The following BRWD1 variants were observed in gnomAD, a reference collection of about 807,000 sequenced individuals.
BRWD1 encodes bromodomain and WD repeat-containing protein 1.
In BRWD1, 82 loss-of-function variants were observed where a neutral mutation model predicts 251.2. The ratio of observed to expected loss-of-function variants is 0.33; its 90% CI spans 0.27 to 0.39. BRWD1 has a LOEUF of 0.39. Among genes scored for constraint, BRWD1 ranks in the 10% least tolerant of loss-of-function variants. The probability of loss-of-function intolerance (pLI) is 1.00; values close to 1 mark genes in which losing one functional copy is unlikely to be tolerated. For synonymous variants in BRWD1, 918 were observed against 902.8 expected, an observed-to-expected ratio of 1.02 and a Z score of -0.30; for missense variants, 2,233 against 2,711.6, an observed-to-expected ratio of 0.82 and a Z score of 3.92.
At chr21:39,313,406 A>T in intron 1 of BRWD1, 37 bp downstream of exon 1, 1 of 1,453,228 alleles carries the variant, frequency 6.9e-7, no homozygotes. Context: ...AGCAGCCGGG[A>T]GCGCCAGGGC....
At chr21:39,251,041 A>G in intron 19 of BRWD1, 152 bp from the exon 20 acceptor site, 1 of 570,356 alleles carries the variant, frequency 1.8e-6, no homozygotes, top group Non-Finnish European at 3.0e-6. Flanking sequence ...TTAAAAATTT[A>G]TATGAATATA....
In BRWD1 at chr21:39,224,478, AAAC is replaced by A. The variant is rs1194249664; in HGVS notation, c.3321-12_3321-10del. The A allele has an allele frequency of 1.9e-6, 3 of 1,587,198 alleles. No homozygotes were observed. Among genetic ancestry groups the A allele is most frequent in the African/African-American group, 1.4e-5 (1 of 74,026 alleles). On this transcript the variant is annotated splice_polypyrimidine_tract_variant and intron_variant, in intron 28 of 40. Transcript: ENST00000342449. Reference sequence around the variant, plus strand: ...TTTCAGTATTATCCCACCTGTTAAAAAACAACAAATCTCTGGTTAGCCTTTCAT... The same window carrying A: ...TTTCAGTATTATCCCACCTGTTAAAAAACAAATCTCTGGTTAGCCTTTCAT...
In BRWD1 at chr21:39,301,227, T is replaced by C. The variant is rs190759578; in HGVS notation, c.199-2645A>G. ...CTAGGTGCACATGTGAAAGGCAGCT[T>C]CTGACATGCCCGCTAATAGTGCCCA... On this transcript the variant is annotated intron_variant, in intron 4 of 40. Coordinates refer to ENST00000342449, the MANE Select transcript of BRWD1 (RefSeq NM_033656.4). Among the ~76,000 whole-genome samples, 422 of 151,958 alleles carry C rather than the reference T, an allele frequency of 2.8e-3. 4 individuals are homozygous for C. Among genetic ancestry groups the C allele is most frequent in the Admixed American group, 0.022 (340 of 15,272 alleles).
intron 4 of BRWD1, among the ~76,000 whole-genome samples, chr21:39,309,436 T>A (rs2036395192): frequency 6.6e-6 from 1 of 151,228 alleles, no homozygotes; most frequent in African/African-American, 2.4e-5. Context: ...CCAGCCTGGG[T>A]AATAGAGTGA....
intron 13 of BRWD1, among the ~76,000 whole-genome samples, chr21:39,272,362 T>C (rs1322155361): frequency 2.1e-5 from 3 of 145,706 alleles, no homozygotes; most frequent in African/African-American, 7.6e-5. Context: ...CCGTCTCTAC[T>C]AAAAATACAA....
At chr21:39,269,308 T>A (rs990187691) in intron 15 of BRWD1, among the ~76,000 whole-genome samples, 4 of 151,588 alleles carry the variant, frequency 2.6e-5, no homozygotes, top group African/African-American at 9.7e-5. Context: ...GAAAACCTAA[T>A]GATGTTTGAT....
At chr21:39,217,052 TATATATATATATATATATATATATA>T (rs2032957136) in intron 31 of BRWD1, 37 of 17,874 alleles carry the variant, frequency 2.1e-3, no homozygotes, top group East Asian at 4.8e-3. Context: ...TATATATATT[TATATATATATATATATATATATATA>T]TATATATTTT....
chr21:39,297,802 A>C (rs1383416062), intron 5 of BRWD1: 3 of 860,334 alleles, frequency 3.5e-6, no homozygotes, highest in African/African-American at 3.7e-5. Context: ...AAGAACCAAC[A>C]ATCTTTGCCC....
rs775072012 is a variant in BRWD1 at position 39,218,079 on chromosome 21, CTT to C, written c.3659+71_3659+72del. ...TCAGCCCCCAATTCTACCACTATCT[CTT>C]TCTTTGTTTACCCTAGTCAATATTG... is the stretch of plus-strand genomic sequence containing the variant. On this transcript the variant is annotated intron_variant, in intron 31 of 40. Coordinates refer to ENST00000342449, the MANE Select transcript of BRWD1 (RefSeq NM_033656.4). 2.1e-4 allele frequency: 299 copies of C among 1,436,026 alleles called. 1 individual carries two copies. The highest frequency in any genetic ancestry group is 2.6e-4 in the Non-Finnish European group (281 of 1,074,846). The allele number at this position is 1,436,026 out of a possible 1,614,324, so 89.0% of individuals were successfully genotyped here.
chr21:39,188,608 TC>T lies in BRWD1; in HGVS notation c.*7650del. On this transcript the variant is annotated 3_prime_UTR_variant, in exon 41 of 41. Coordinates refer to ENST00000342449, the MANE Select transcript of BRWD1 (RefSeq NM_033656.4). ...CAGATGAGTACAGGTAAAAACTGCT[TC>T]TGTGGACTGACATGTTCATACAGCT... 1 of 985,416 alleles carries T rather than the reference TC, an allele frequency of 1.0e-6. No homozygotes were observed. The highest frequency in any genetic ancestry group is 1.2e-6 in the Non-Finnish European group (1 of 829,918). The allele number at this position is 985,416 out of a possible 1,614,324, so 61.0% of individuals were successfully genotyped here. A position where few individuals can be genotyped will look rare whatever the true frequency, so the allele number is the denominator to read the frequency against.
rs2032169266 is a variant in BRWD1 at position 39,202,628 on chromosome 21, A to G, written c.4365-83T>C. Reference sequence around the variant, plus strand: ...TCACAGAGAATGACTAAATAGAAGTATATCATATTTCTTAAACTGAGAGTA... The same window carrying G: ...TCACAGAGAATGACTAAATAGAAGTGTATCATATTTCTTAAACTGAGAGTA... On this transcript the variant is annotated intron_variant, in intron 37 of 40. Coordinates refer to ENST00000342449, the MANE Select transcript of BRWD1 (RefSeq NM_033656.4). The G allele has an allele frequency of 5.9e-6, 5 of 850,578 alleles. No homozygotes were observed. The East Asian group carries it at 7.9e-5, about 13-fold the overall frequency. The allele number at this position is 850,578 out of a possible 1,614,324, so 52.7% of individuals were successfully genotyped here.
intron 22 of BRWD1, among the ~76,000 whole-genome samples, chr21:39,237,169 G>A (rs1601350952): frequency 6.6e-6 from 1 of 152,140 alleles, no homozygotes; most frequent in Non-Finnish European, 1.5e-5. Context: ...CTACCCCCAT[G>A]TTGGAGGAAG....
intron 8 of BRWD1, among the ~76,000 whole-genome samples, chr21:39,283,814 C>T (rs796834221): frequency 1.3e-5 from 2 of 152,144 alleles, no homozygotes; most frequent in Admixed American, 6.5e-5. Flanking sequence ...CAAGGCCAGT[C>T]GCCAATGACT....
intron 4 of BRWD1, among the ~76,000 whole-genome samples, chr21:39,302,151 T>G (rs2036139876): frequency 6.6e-6 from 1 of 151,772 alleles, no homozygotes; most frequent in Non-Finnish European, 1.5e-5. Context: ...ACCCAGCTAA[T>G]TTTTGTATTT....
intron 36 of BRWD1, among the ~76,000 whole-genome samples, chr21:39,207,485 A>ACACACACAC (rs1350272514): frequency 0.063 from 7,580 of 119,732 alleles, 250 homozygotes; most frequent in Admixed American, 0.086. Context: ...CACACACACA[A>ACACACACAC]ACAAAACTCC....
intron 29 of BRWD1, chr21:39,219,255 T>C: frequency 6.6e-6 from 1 of 152,396 alleles, no homozygotes; most frequent in Non-Finnish European, 1.5e-5. Flanking sequence ...ACCCCATCTC[T>C]ACTAAAAATA....
intron 10 of BRWD1, 49 bp downstream of exon 10, chr21:39,278,694 A>G: frequency 7.1e-7 from 1 of 1,417,026 alleles, no homozygotes; most frequent in East Asian, 2.4e-5. Context: ...GTCATTTAAT[A>G]GATGTTTAAA....
chr21:39,303,909 A>C (rs1249671475), intron 4 of BRWD1, among the ~76,000 whole-genome samples: 2 of 151,854 alleles, frequency 1.3e-5, no homozygotes, highest in South Asian at 2.1e-4. Flanking sequence ...TGGGATCCTG[A>C]GGCGGGTGGA....
intron 27 of BRWD1, among the ~76,000 whole-genome samples, chr21:39,228,054 C>G (rs2033453712): frequency 6.6e-6 from 1 of 152,118 alleles, no homozygotes; most frequent in South Asian, 2.1e-4. Context: ...GTTTGGGAGG[C>G]AGAGGTGAGT....
Sources: gnomAD v4.1 joint callset for allele counts (sites outside exome capture counted in the v4.1 genomes callset) on GRCh38, gnomAD v4.1.1 for gene constraint, MANE v1.5 for transcripts, NCBI Gene and HGNC (gene_info 2026-07-23, HGNC 2026-07-21) for gene names.